Variants in HDAC4 observed in about 807,000 individuals in gnomAD.
HDAC4 encodes histone deacetylase 4.
Under a neutral mutation model 135.1 loss-of-function variants are expected in HDAC4, and 16 were observed. The observed-to-expected ratio is 0.12, with a 90% CI of 0.08 to 0.18. The LOEUF (loss-of-function observed/expected upper bound fraction) is 0.18, where lower values mean the gene tolerates loss of function less well. HDAC4 is among the 10% of genes least tolerant of loss of function. The pLI, the probability that HDAC4 is intolerant of heterozygous loss-of-function variation, is 1.00. For synonymous variants in HDAC4, 685 were observed against 653.4 expected, an observed-to-expected ratio of 1.05 and a Z score of -0.74; for missense variants, 1,143 against 1,511.8, an observed-to-expected ratio of 0.76 and a Z score of 4.05.
chr2:239,340,097 G>C (rs1692206640), intron 2 of HDAC4, among the ~76,000 whole-genome samples: 1 of 152,142 alleles, frequency 6.6e-6, no homozygotes, highest in African/African-American at 2.4e-5. Flanking sequence ...GGCCAGGATG[G>C]TCCCTGCAGC....
intron 22 of HDAC4, among the ~76,000 whole-genome samples, chr2:239,078,418 G>T (rs2034983262): frequency 6.6e-6 from 1 of 152,146 alleles, no homozygotes; most frequent in East Asian, 1.9e-4. Context: ...GGCCCCCGTG[G>T]GGGAGAAGAG....
intron 2 of HDAC4, among the ~76,000 whole-genome samples, chr2:239,321,387 C>G (rs1243620366): frequency 6.9e-6 from 1 of 144,260 alleles, no homozygotes; most frequent in African/African-American, 2.6e-5. Context: ...ATGGTGTGAA[C>G]CCGGGAGACG....
intron 2 of HDAC4, among the ~76,000 whole-genome samples, chr2:239,350,998 T>C (rs2125917027): frequency 6.6e-6 from 1 of 152,260 alleles, no homozygotes; most frequent in South Asian, 2.1e-4. Flanking sequence ...CATAGCACAC[T>C]GACAAAAATG....
chr2:239,128,775 G>A (rs769053701), intron 11 of HDAC4, among the ~76,000 whole-genome samples: 4 of 152,196 alleles, frequency 2.6e-5, no homozygotes, highest in Non-Finnish European at 4.4e-5. Context: ...GGGTGGAGGC[G>A]GTGATGAGCT....
rs2030875793 is a variant in HDAC4, at chr2:239,051,686, G to A, written c.*1411C>T. On this transcript the variant is annotated 3_prime_UTR_variant, in exon 27 of 27. Coordinates refer to ENST00000543185, the MANE Select transcript of HDAC4 (RefSeq NM_001378414.1). ...TTAAAATGAAAGTACAAACTTGTAG[G>A]GTAGTTGCCCAGTGGCGAATGTGTT... is the stretch of plus-strand genomic sequence containing the variant. 1 of 152,564 alleles carries A rather than the reference G, an allele frequency of 6.6e-6. No individual in the cohort carries two copies. Among genetic ancestry groups the A allele is most frequent in the Non-Finnish European group, 1.5e-5 (1 of 68,026 alleles). The allele number at this position is 152,564 out of a possible 1,614,324, so 9.5% of individuals were successfully genotyped here. A position where few individuals can be genotyped will look rare whatever the true frequency, so the allele number is the denominator to read the frequency against.
intron 3 of HDAC4, among the ~76,000 whole-genome samples, chr2:239,236,270 C>T (rs1177182671): frequency 6.6e-6 from 1 of 152,224 alleles, no homozygotes; most frequent in Non-Finnish European, 1.5e-5. Flanking sequence ...GTCTTTCCTA[C>T]AGGCCCTCAC....
intron 2 of HDAC4, among the ~76,000 whole-genome samples, chr2:239,346,042 T>C (rs1329411875): frequency 1.5e-5 from 2 of 131,014 alleles, no homozygotes; most frequent in African/African-American, 3.1e-5. Flanking sequence ...ATACACACCG[T>C]CTGAAACACA....
At chr2:239,354,573 T>C (rs1018397466) in intron 1 of HDAC4, among the ~76,000 whole-genome samples, 1 of 146,350 alleles carries the variant, frequency 6.8e-6, no homozygotes, top group East Asian at 2.0e-4. Flanking sequence ...TTTTTTTTTT[T>C]TTTTTTTTTT....
intron 2 of HDAC4, among the ~76,000 whole-genome samples, chr2:239,260,855 G>A (rs2049319097): frequency 6.6e-6 from 1 of 152,146 alleles, no homozygotes; most frequent in African/African-American, 2.4e-5. Context: ...GCTGGGATGG[G>A]GACTCACACC....
chr2:239,227,762 A>C (rs2047324299), intron 3 of HDAC4, among the ~76,000 whole-genome samples: 1 of 152,164 alleles, frequency 6.6e-6, no homozygotes, highest in African/African-American at 2.4e-5. Context: ...CACCATTAAA[A>C]GCCAGAAGGG....
chr2:239,369,314 G>A (rs974377164), intron 1 of HDAC4, among the ~76,000 whole-genome samples: 2 of 152,128 alleles, frequency 1.3e-5, no homozygotes, highest in Non-Finnish European at 1.5e-5. Flanking sequence ...CATGTCTACG[G>A]TTGGAGCTCA....
chr2:239,361,862 T>C (rs1693890212), intron 1 of HDAC4, among the ~76,000 whole-genome samples: 1 of 152,236 alleles, frequency 6.6e-6, no homozygotes, highest in Admixed American at 6.5e-5. Context: ...TCTTGATGTA[T>C]GTGTCTAATG....
chr2:239,333,501 A>T (rs918195024), intron 2 of HDAC4, among the ~76,000 whole-genome samples: 1 of 152,202 alleles, frequency 6.6e-6, no homozygotes, highest in Admixed American at 6.5e-5. Flanking sequence ...GATGATAAAA[A>T]TTAAACTGAC....
At chr2:239,063,696 C>T (rs1260990010) in intron 24 of HDAC4, among the ~76,000 whole-genome samples, 1 of 152,224 alleles carries the variant, frequency 6.6e-6, no homozygotes, top group Admixed American at 6.5e-5. Context: ...CTCCCCCACA[C>T]CTGCGAGAGC....
chr2:239,164,464 G>A (rs2152973330), intron 5 of HDAC4, among the ~76,000 whole-genome samples: 1 of 152,358 alleles, frequency 6.6e-6, no homozygotes, highest in Admixed American at 6.5e-5. Flanking sequence ...CAGGCAGAGT[G>A]ACTGCACCAA....
intron 2 of HDAC4, among the ~76,000 whole-genome samples, chr2:239,327,507 G>C (rs1444042719): frequency 1.3e-5 from 2 of 152,254 alleles, no homozygotes; most frequent in Non-Finnish European, 2.9e-5. Context: ...AATTATCGTA[G>C]ACAGCCTGGA....
Position 239,111,638 on chromosome 2 carries a change from G to T in HDAC4, c.1866C>A (p.Ile622=). ...GCCTGTGGCCGCCGAAGGACACGGG[G>T]ATGCCGGCGGCCTCCATGGACGCCT... ...NYQASMEAAG[I]PVSFGGHRPL... The change falls in exon 14 of 27, where the codon ATC becomes ATA. Residue 622 remains isoleucine (I), a synonymous_variant. Coordinates refer to ENST00000543185, the MANE Select transcript of HDAC4 (RefSeq NM_001378414.1). 6.2e-7 allele frequency: 1 copy of T among 1,608,450 alleles called. No individual in the cohort carries two copies. The highest frequency in any genetic ancestry group is 2.2e-5 in the East Asian group (1 of 44,662).
At chr2:239,394,034 C>T (rs1696401673) in intron 1 of HDAC4, among the ~76,000 whole-genome samples, 1 of 145,858 alleles carries the variant, frequency 6.9e-6, no homozygotes, top group Non-Finnish European at 1.5e-5. Context: ...TTCTCTTCCT[C>T]AGTTTAAAAA....
chr2:239,292,716 TTC>T (rs1182083549), intron 2 of HDAC4, among the ~76,000 whole-genome samples: 2 of 152,174 alleles, frequency 1.3e-5, no homozygotes, highest in African/African-American at 4.8e-5. Context: ...AGGATACTGT[TTC>T]TTTTTTGTTT....
Sources: gnomAD v4.1 joint callset for allele counts (sites outside exome capture counted in the v4.1 genomes callset) on GRCh38, gnomAD v4.1.1 for gene constraint, MANE v1.5 for transcripts, NCBI Gene and HGNC (gene_info 2026-07-23, HGNC 2026-07-21) for gene names.